RUNX1: variants seen among roughly 807,000 people sequenced by gnomAD.
The protein encoded by RUNX1 is runt-related transcription factor 1.
Under a neutral mutation model 42.8 loss-of-function variants are expected in RUNX1, and 19 were observed. The observed-to-expected ratio is 0.44, with a 90% confidence interval of 0.31 to 0.65. RUNX1 has a LOEUF of 0.65. RUNX1 is among the 30% of genes least tolerant of loss of function. RUNX1 has a pLI of 0.07. For missense variants in RUNX1, 528 were observed against 672.0 expected (o/e 0.79, Z 2.37); for synonymous variants, 271 against 289.4 (o/e 0.94, Z 0.64).
Position 34,843,127 on chromosome 21 carries a change from T to A in RUNX1, c.614-8526A>T, listed in dbSNP as rs2057265032. Among the ~76,000 whole-genome samples the A allele has an allele frequency of 6.6e-6, 1 of 151,668 alleles. No individual in the cohort carries two copies. Among genetic ancestry groups the A allele is most frequent in the Non-Finnish European group, 1.5e-5 (1 of 67,924 alleles). On this transcript the variant is annotated intron_variant, in intron 6 of 8. Transcript: ENST00000675419. This position sits in a 1 kb window ranked among gnomAD's most constrained non-coding sequence, Gnocchi z 4.8. ...ATGGACACACATGTATAAACACACATACAGACACACATGGACATATACACA... is the reference window on the plus strand; with the variant it reads ...ATGGACACACATGTATAAACACACAAACAGACACACATGGACATATACACA...
intron 2 of RUNX1, among the ~76,000 whole-genome samples, chr21:34,931,232 ATAT>A (rs2058442166): frequency 6.6e-6 from 1 of 151,392 alleles, no homozygotes; most frequent in African/African-American, 2.4e-5. Flanking sequence ...CCCTCCAATA[ATAT>A]TATTATTTTT....
rs183255259 is a variant in RUNX1 at position 34,956,429 on chromosome 21, T to C, written c.59-63466A>G. 1.9e-3 allele frequency among the ~76,000 whole-genome samples: 284 copies of C among 152,304 alleles called. 1 individual carries two copies. The Middle Eastern group carries it at 0.027, about 15-fold the overall frequency. Reference sequence around the variant, plus strand: ...TAGACAGAACACAGTCATTTTTTTGTTGAAGTTGTTACTGTGAAATTTCAA... The same window carrying C: ...TAGACAGAACACAGTCATTTTTTTGCTGAAGTTGTTACTGTGAAATTTCAA... On this transcript the variant is annotated intron_variant, in intron 2 of 8. Transcript: ENST00000675419.
chr21:34,889,780 C>G, intron 3 of RUNX1: 1 of 1,143,776 alleles, frequency 8.7e-7, no homozygotes, highest in African/African-American at 1.6e-5. Context: ...CCGGCGTGCG[C>G]TGCCAACTCC....
intron 2 of RUNX1, among the ~76,000 whole-genome samples, chr21:35,035,749 C>T (rs142381769): frequency 6.6e-6 from 1 of 152,188 alleles, no homozygotes; most frequent in African/African-American, 2.4e-5. Flanking sequence ...CTCTCCCTCT[C>T]GTTTGACGCG....
Position 34,808,998 on chromosome 21 carries a change from GCCT to G in RUNX1, c.806-9539_806-9537del, listed in dbSNP as rs537585692. The stretch of plus-strand genomic sequence containing the variant: ...CAGAAGGCACCTTCTGGTTTCTGCT[GCCT>G]CCTCCCTTGCAGACAGATTCTTTCT... On this transcript the variant is annotated intron_variant, in intron 7 of 8. Transcript: ENST00000675419. Among the ~76,000 whole-genome samples, 142 of 152,288 alleles carry G rather than the reference GCCT, an allele frequency of 9.3e-4. 1 individual carries two copies. Among genetic ancestry groups the G allele is most frequent in the Admixed American group, 1.4e-3 (21 of 15,304 alleles).
intron 6 of RUNX1, among the ~76,000 whole-genome samples, chr21:34,848,915 A>G (rs867703524): frequency 8.5e-5 from 13 of 152,102 alleles, no homozygotes; most frequent in East Asian, 1.9e-4. Context: ...AGGGCCATAA[A>G]TCTATGTAGT....
intron 6 of RUNX1, among the ~76,000 whole-genome samples, chr21:34,840,629 G>A (rs2146110685): frequency 6.6e-6 from 1 of 152,232 alleles, no homozygotes. Flanking sequence ...CCTGGCTGCG[G>A]GAGCCACTGC....
intron 2 of RUNX1, among the ~76,000 whole-genome samples, chr21:34,987,313 A>G (rs1024992343): frequency 7.9e-5 from 12 of 152,174 alleles, no homozygotes; most frequent in Non-Finnish European, 1.3e-4. Flanking sequence ...CCAGTTGCTG[A>G]GGAAAGCCAG....
intron 2 of RUNX1, among the ~76,000 whole-genome samples, chr21:34,943,458 A>G (rs1280876994): frequency 6.6e-6 from 1 of 152,222 alleles, no homozygotes; most frequent in Non-Finnish European, 1.5e-5. Flanking sequence ...AAAGTACTTC[A>G]CATGAATTGC....
intron 5 of RUNX1, among the ~76,000 whole-genome samples, chr21:34,864,165 G>T (rs972246631): frequency 6.6e-6 from 1 of 152,202 alleles, no homozygotes; most frequent in Non-Finnish European, 1.5e-5. Context: ...ACCCCATGGC[G>T]GCTGGGACAC....
At position 34,885,663 on chromosome 21, in the gene RUNX1, T is replaced by C. The variant is rs146145017; in HGVS notation, c.351+1180A>G. Among the ~76,000 whole-genome samples, 11 of 152,350 alleles carry C rather than the reference T, an allele frequency of 7.2e-5. No homozygotes were observed. In the East Asian group the frequency reaches 2.1e-3, roughly 29 times the overall value. On this transcript the variant is annotated intron_variant, in intron 4 of 8. Coordinates refer to ENST00000675419, the MANE Select transcript of RUNX1 (RefSeq NM_001754.5). ...TTTTTAAAAAGTGAATATTCGTCGT[T>C]GTAATAAGATCAAGACCCAGCTGAG...
At chr21:34,968,978 T>C (rs2146738470) in intron 2 of RUNX1, among the ~76,000 whole-genome samples, 1 of 152,236 alleles carries the variant, frequency 6.6e-6, no homozygotes, top group Non-Finnish European at 1.5e-5. Context: ...AAGGAAGAGT[T>C]CTGCCTCCCC....
At chr21:34,891,763 T>C (rs1396183885) in intron 3 of RUNX1, among the ~76,000 whole-genome samples, 1 of 151,838 alleles carries the variant, frequency 6.6e-6, no homozygotes, top group Admixed American at 6.6e-5. Context: ...CGTGACAGAT[T>C]TTTCCAAATT....
intron 2 of RUNX1, among the ~76,000 whole-genome samples, chr21:35,005,184 T>A (rs2059075015): frequency 6.6e-6 from 1 of 152,022 alleles, no homozygotes; most frequent in Admixed American, 6.6e-5. Flanking sequence ...TTACCCAATG[T>A]GATGGAGTGA....
intron 7 of RUNX1, chr21:34,821,751 A>G: frequency 1.3e-6 from 2 of 1,498,024 alleles, no homozygotes; most frequent in Non-Finnish European, 1.8e-6. Context: ...ACAATTCTTT[A>G]TAGAGCCGCG....
chr21:34,990,795 T>G (rs1438272575), intron 2 of RUNX1, among the ~76,000 whole-genome samples: 2 of 152,178 alleles, frequency 1.3e-5, no homozygotes, highest in Non-Finnish European at 2.9e-5. Context: ...TTTACCATGT[T>G]GGCCAGGCTG....
intron 2 of RUNX1, among the ~76,000 whole-genome samples, chr21:35,024,744 C>T (rs1043036739): frequency 6.6e-6 from 1 of 152,206 alleles, no homozygotes; most frequent in African/African-American, 2.4e-5. Flanking sequence ...GCTAATACTG[C>T]CTCTTCCATC....
At position 34,907,702 on chromosome 21, in the gene RUNX1, T is replaced by C. The variant is rs1031495963; in HGVS notation, c.59-14739A>G. On this transcript the variant is annotated intron_variant, in intron 2 of 8. Coordinates refer to ENST00000675419, the MANE Select transcript of RUNX1 (RefSeq NM_001754.5). This position sits in a 1 kb window ranked among gnomAD's most constrained non-coding sequence, Gnocchi z 5.3. ...GTTATCAAGAAAACCAATTAAATCA[T>C]AACTGCCGAAGTGCCTTGTCAAGCT... is the stretch of plus-strand genomic sequence containing the variant. Among the ~76,000 whole-genome samples the C allele has an allele frequency of 3.3e-5, 5 of 152,272 alleles. No homozygotes were observed. The East Asian group carries it at 7.7e-4, about 24-fold the overall frequency.
intron 2 of RUNX1, among the ~76,000 whole-genome samples, chr21:34,933,228 A>G (rs2058461058): frequency 6.6e-6 from 1 of 152,020 alleles, no homozygotes; most frequent in South Asian, 2.1e-4. Flanking sequence ...CTCTTCCTCA[A>G]CCTTCAGTGC....
Sources: allele counts gnomAD v4.1 joint callset (sites outside exome capture counted in the v4.1 genomes callset), GRCh38; gene constraint gnomAD v4.1.1; non-coding constraint Gnocchi (gnomAD v3.1); transcripts MANE v1.5; gene names NCBI Gene and HGNC (gene_info 2026-07-23, HGNC 2026-07-21).